Variants in DDX1 observed in about 807,000 individuals in gnomAD.
DDX1 encodes ATP-dependent RNA helicase DDX1.
DDX1 carries 28 observed loss-of-function variants against 108.7 expected under a neutral mutation model. The observed-to-expected ratio is 0.26, with a 90% CI of 0.19 to 0.35. DDX1 has a LOEUF of 0.35. Ranked by LOEUF, DDX1 falls within the 10% of genes least tolerant of loss-of-function variation. DDX1 has a pLI of 1.00. For missense variants in DDX1, 710 were observed against 884.5 expected (o/e 0.80, Z 2.50); for synonymous variants, 295 against 288.9 (o/e 1.02, Z -0.21).
At chr2:15,606,116 A>G (rs763852671) in intron 11 of DDX1, 34 bp from the exon 12 acceptor site, 2 of 1,588,186 alleles carry the variant, frequency 1.3e-6, no homozygotes, top group African/African-American at 2.7e-5. Context: ...CAATTAGGGT[A>G]GGAATTTTAA....
At position 15,631,056 on chromosome 2, in the gene DDX1, T is replaced by A. The variant is rs1376738181; in HGVS notation, c.*150T>A. 5 of 643,848 alleles carry A rather than the reference T, an allele frequency of 7.8e-6. No individual in the cohort carries two copies. The highest frequency in any genetic ancestry group is 1.2e-5 in the Non-Finnish European group (5 of 422,456). The allele number at this position is 643,848 out of a possible 1,614,324, so 39.9% of individuals were successfully genotyped here. ...TGTCAAGAAACATTAGTCTTAGGAA[T>A]TCTTCAAAAAATGGCATCCCAATGA... On this transcript the variant is annotated 3_prime_UTR_variant, in exon 26 of 26. Coordinates refer to ENST00000233084, the MANE Select transcript of DDX1 (RefSeq NM_004939.3).
chr2:15,607,401 A>T (rs1306563271), intron 13 of DDX1, 88 bp downstream of exon 13: 14 of 1,236,168 alleles, frequency 1.1e-5, no homozygotes, highest in Non-Finnish European at 3.5e-6. Flanking sequence ...AATGAAGTAG[A>T]AATTCAGTGT....
At chr2:15,595,878 TTTC>T (rs1340481690) in intron 3 of DDX1, among the ~76,000 whole-genome samples, 1 of 152,126 alleles carries the variant, frequency 6.6e-6, no homozygotes, top group Non-Finnish European at 1.5e-5. Flanking sequence ...AGGAAGTAGA[TTTC>T]TTTTTTTTTG....
At chr2:15,609,394 AGCTG>A (rs1665718620) in intron 13 of DDX1, among the ~76,000 whole-genome samples, 1 of 152,256 alleles carries the variant, frequency 6.6e-6, no homozygotes, top group Admixed American at 6.5e-5. Context: ...AATGAAGCTA[AGCTG>A]GCTGTCCCAG....
intron 5 of DDX1, chr2:15,599,226 A>C (rs1394914203): frequency 1.3e-4 from 19 of 151,938 alleles, no homozygotes; most frequent in African/African-American, 4.6e-4. Flanking sequence ...ATAATATATA[A>C]AACCATATTG....
intron 1 of DDX1, among the ~76,000 whole-genome samples, chr2:15,594,585 C>G (rs1665469667): frequency 6.6e-6 from 1 of 152,242 alleles, no homozygotes; most frequent in South Asian, 2.1e-4. Flanking sequence ...GTTTTCACCA[C>G]TGACCCCTCC....
chr2:15,610,633 A>G (rs1198193361), intron 13 of DDX1, among the ~76,000 whole-genome samples: 4 of 152,336 alleles, frequency 2.6e-5, no homozygotes, highest in African/African-American at 7.2e-5. Context: ...TGATTTTTGT[A>G]TATTCCTTCA....
intron 23 of DDX1, among the ~76,000 whole-genome samples, chr2:15,629,208 C>T (rs1248333092): frequency 6.6e-6 from 1 of 152,070 alleles, no homozygotes; most frequent in Non-Finnish European, 1.5e-5. Flanking sequence ...TACTCATTGC[C>T]AAATTCAGTA....
chr2:15,618,992 G>C (rs1665944963), intron 16 of DDX1, among the ~76,000 whole-genome samples: 1 of 152,196 alleles, frequency 6.6e-6, no homozygotes, highest in Admixed American at 6.5e-5. Flanking sequence ...CCGAACCTGT[G>C]GGGGCAAGGG....
chr2:15,598,560 A>G (rs753278920), intron 5 of DDX1, among the ~76,000 whole-genome samples: 2 of 152,206 alleles, frequency 1.3e-5, no homozygotes, highest in Non-Finnish European at 2.9e-5. Flanking sequence ...ATTATTCTAG[A>G]AAGTAGGACC....
At chr2:15,602,421 T>C (rs1665601299) in intron 6 of DDX1, 127 bp from the exon 7 acceptor site, 1 of 662,530 alleles carries the variant, frequency 1.5e-6, no homozygotes, top group Non-Finnish European at 2.7e-6. Context: ...CTCTGGAACA[T>C]TGCAACAAAT....
chr2:15,602,142 T>C (rs1157873259), intron 6 of DDX1, among the ~76,000 whole-genome samples: 1 of 152,180 alleles, frequency 6.6e-6, no homozygotes, highest in Non-Finnish European at 1.5e-5. Context: ...ATGAGCGAGT[T>C]GTGCATCATC....
At chr2:15,628,112 T>A (rs1412389683) in intron 20 of DDX1, among the ~76,000 whole-genome samples, 1 of 152,228 alleles carries the variant, frequency 6.6e-6, no homozygotes, top group Non-Finnish European at 1.5e-5. Context: ...TGCTTATGTC[T>A]GTACATTGTA....
chr2:15,595,013 C>T (rs969628077), intron 1 of DDX1, 132 bp from the exon 2 acceptor site: 3 of 634,432 alleles, frequency 4.7e-6, no homozygotes, highest in South Asian at 5.2e-5. Context: ...TCAACAGTGC[C>T]ACGCTCAGTA....
At chr2:15,613,038 G>T (rs1317335350) in intron 13 of DDX1, among the ~76,000 whole-genome samples, 186 bp from the exon 14 acceptor site, 1 of 151,826 alleles carries the variant, frequency 6.6e-6, no homozygotes, top group Non-Finnish European at 1.5e-5. Flanking sequence ...GGGAGAGGGG[G>T]AGGGGGAGGG....
intron 14 of DDX1, among the ~76,000 whole-genome samples, chr2:15,615,845 T>C (rs1192340008): frequency 6.6e-6 from 1 of 152,182 alleles, no homozygotes; most frequent in Non-Finnish European, 1.5e-5. Context: ...ATACCTTATT[T>C]GTGCTCACAT....
intron 18 of DDX1, among the ~76,000 whole-genome samples, chr2:15,622,754 T>C (rs992459721): frequency 6.6e-6 from 1 of 152,244 alleles, no homozygotes; most frequent in Non-Finnish European, 1.5e-5. Context: ...TTGCTTCTTA[T>C]ATTTTTCTTG....
In DDX1 at chr2:15,619,977, G is replaced by T. The variant is rs533974176; in HGVS notation, c.1207-231G>T. 6.6e-5 allele frequency among the ~76,000 whole-genome samples: 10 copies of T among 152,274 alleles called. No individual in the cohort carries two copies. In the South Asian group the frequency reaches 2.1e-3, roughly 32 times the overall value. On this transcript the variant is annotated intron_variant, in intron 16 of 25. Coordinates refer to ENST00000233084, the MANE Select transcript of DDX1 (RefSeq NM_004939.3). The stretch of plus-strand genomic sequence containing the variant: ...AAATGACTCATTTTACTTAGTTTTT[G>T]TAGGGACGTGAGGAAGAGATGGCAT...
intron 13 of DDX1, among the ~76,000 whole-genome samples, chr2:15,612,064 G>A (rs1331864342): frequency 2.7e-4 from 8 of 29,494 alleles, no homozygotes; most frequent in Non-Finnish European, 4.8e-4. Context: ...CTCTCCTCCC[G>A]GAGGGGGCGG....
Sources: allele counts gnomAD v4.1 joint callset (sites outside exome capture counted in the v4.1 genomes callset), GRCh38; gene constraint gnomAD v4.1.1; transcripts MANE v1.5; gene names NCBI Gene and HGNC (gene_info 2026-07-23, HGNC 2026-07-21).